The following ASTN2 variants were observed in gnomAD, a reference collection of about 807,000 sequenced individuals.
The protein encoded by ASTN2 is astrotactin-2.
A neutral mutation model predicts 139.8 loss-of-function variants in ASTN2; 54 were observed. The observed-to-expected ratio is 0.39, with a 90% CI of 0.31 to 0.48. The LOEUF (loss-of-function observed/expected upper bound fraction) is 0.48, where lower values mean the gene tolerates loss of function less well. ASTN2 is among the 20% of genes least tolerant of loss of function. ASTN2 has a pLI of 0.95. For missense variants in ASTN2, 1,565 were observed against 1,725.1 expected, an observed-to-expected ratio of 0.91 and a Z score of 1.64; for synonymous variants, 756 against 719.5, an observed-to-expected ratio of 1.05 and a Z score of -0.81.
At chr9:117,173,092 A>G (rs1830831433) in intron 3 of ASTN2, among the ~76,000 whole-genome samples, 1 of 152,202 alleles carries the variant, frequency 6.6e-6, no homozygotes, top group Non-Finnish European at 1.5e-5. Context: ...TACAGGAAAA[A>G]TACTAACTAG....
chr9:116,674,132 T>C (rs1859361150), intron 16 of ASTN2, among the ~76,000 whole-genome samples: 1 of 152,182 alleles, frequency 6.6e-6, no homozygotes, highest in Non-Finnish European at 1.5e-5. Context: ...TTAGGAGTCA[T>C]GCAGCTGGAG....
chr9:117,051,732 C>T (rs2132668800), intron 5 of ASTN2, among the ~76,000 whole-genome samples: 1 of 152,248 alleles, frequency 6.6e-6, no homozygotes, highest in East Asian at 1.9e-4. Context: ...GGAAGAACCC[C>T]TTTTGATTAG....
chr9:116,692,266 A>G (rs1182767638), intron 16 of ASTN2, among the ~76,000 whole-genome samples: 1 of 152,164 alleles, frequency 6.6e-6, no homozygotes, highest in Non-Finnish European at 1.5e-5. Context: ...AGGTAAAACA[A>G]TTTCTAGGAG....
chr9:116,816,980 T>C (rs1399414764), intron 12 of ASTN2, among the ~76,000 whole-genome samples: 1 of 151,730 alleles, frequency 6.6e-6, no homozygotes, highest in East Asian at 1.9e-4. Flanking sequence ...TCAGCCAATA[T>C]TTAAATAGTA....
At position 117,291,377 on chromosome 9, in the gene ASTN2, C is replaced by A. The variant is rs1330936382; in HGVS notation, c.579G>T (p.Glu193Asp). 1.8e-5 allele frequency: 29 copies of A among 1,614,088 alleles called. No homozygotes were observed. The highest frequency in any genetic ancestry group is 2.4e-5 in the Non-Finnish European group (28 of 1,180,032). ...LAQATAPTLQ[E>D]PSEIVEEQMH... ...TCTGCTCCTCAACAATCTCCGAGGG[C>A]TCCTGGAGAGTGGGGGCGGTGGCTT... Residue 193 changes from glutamate (E) to aspartate (D), a missense_variant, in exon 2 of 23, where the codon GAG (glutamate) becomes GAT (aspartate). By Grantham distance (45) the Glu-to-Asp change is conservative (BLOSUM62 2). Transcript: ENST00000313400.
chr9:116,666,914 G>C (rs958601702), intron 16 of ASTN2, among the ~76,000 whole-genome samples: 3 of 138,782 alleles, frequency 2.2e-5, no homozygotes, highest in African/African-American at 8.0e-5. Flanking sequence ...TAGACATTTT[G>C]ATCCATATTA....
At chr9:116,639,944 G>A (rs1588127396) in intron 17 of ASTN2, among the ~76,000 whole-genome samples, 1 of 152,100 alleles carries the variant, frequency 6.6e-6, no homozygotes, top group Non-Finnish European at 1.5e-5. Context: ...CTTTTTAAGT[G>A]TATTTATTGA....
intron 5 of ASTN2, among the ~76,000 whole-genome samples, chr9:117,091,825 A>G (rs563223079): frequency 6.6e-6 from 1 of 152,268 alleles, no homozygotes; most frequent in South Asian, 2.1e-4. Flanking sequence ...AAGAGGAGAA[A>G]CAACATGATC....
At chr9:116,442,602 G>T in intron 20 of ASTN2, 49 bp from the exon 21 acceptor site, 1 of 1,504,676 alleles carries the variant, frequency 6.6e-7, no homozygotes, top group Non-Finnish European at 9.3e-7. Context: ...TTCACAGAAG[G>T]CCCTGGGAGT....
intron 2 of ASTN2, among the ~76,000 whole-genome samples, chr9:117,269,571 T>C (rs1012472514): frequency 4.6e-5 from 7 of 152,160 alleles, no homozygotes; most frequent in Non-Finnish European, 1.0e-4. Context: ...CCTTATTTGT[T>C]TGCTTGAAGA....
At chr9:117,355,829 G>C (rs1829525003) in intron 1 of ASTN2, among the ~76,000 whole-genome samples, 1 of 152,164 alleles carries the variant, frequency 6.6e-6, no homozygotes, top group South Asian at 2.1e-4. Context: ...GCCATGCTGG[G>C]GGACATGGGA....
intron 16 of ASTN2, among the ~76,000 whole-genome samples, chr9:116,657,062 A>G (rs1256619248): frequency 2.0e-5 from 3 of 152,166 alleles, no homozygotes; most frequent in Non-Finnish European, 4.4e-5. Context: ...CTGAAATTGG[A>G]TCATTTCTTA....
rs183009945 is a variant in ASTN2, at chr9:117,294,518, T to C, written c.443-3005A>G. 1.0e-3 allele frequency among the ~76,000 whole-genome samples: 156 copies of C among 152,394 alleles called. 2 individuals are homozygous for C. Among genetic ancestry groups the C allele is most frequent in the Non-Finnish European group, 1.5e-4 (10 of 68,040 alleles). On this transcript the variant is annotated intron_variant, in intron 1 of 22. Transcript: ENST00000313400. ...ATTCATTTATTCATGCATTTGTTTA[T>C]TTATTCAACATACTTATCAAACACC...
intron 19 of ASTN2, among the ~76,000 whole-genome samples, chr9:116,542,245 G>A (rs944950138): frequency 1.1e-4 from 16 of 151,956 alleles, no homozygotes; most frequent in Non-Finnish European, 1.3e-4. Context: ...GATACATATT[G>A]CTAATTTGCC....
At chr9:117,218,549 A>C (rs1832408091) in intron 2 of ASTN2, among the ~76,000 whole-genome samples, 1 of 152,182 alleles carries the variant, frequency 6.6e-6, no homozygotes, top group Non-Finnish European at 1.5e-5. Context: ...CAGCTTAGGT[A>C]ACGTTGCAAG....
At chr9:117,174,966 C>T (rs1404457179) in intron 3 of ASTN2, among the ~76,000 whole-genome samples, 2 of 151,788 alleles carry the variant, frequency 1.3e-5, no homozygotes, top group East Asian at 1.9e-4. Flanking sequence ...GAATGGGAGG[C>T]CCAGTCTGGA....
chr9:117,006,557 A>G (rs1413624203), intron 7 of ASTN2, among the ~76,000 whole-genome samples: 1 of 152,152 alleles, frequency 6.6e-6, no homozygotes, highest in Non-Finnish European at 1.5e-5. Flanking sequence ...CCTAGATTAG[A>G]GTAATAGGGC....
chr9:116,806,680 T>A (rs889803731), intron 12 of ASTN2, among the ~76,000 whole-genome samples: 2 of 152,154 alleles, frequency 1.3e-5, no homozygotes, highest in Admixed American at 1.3e-4. Context: ...TATATGAACA[T>A]GAGTGAGTCA....
intron 3 of ASTN2, among the ~76,000 whole-genome samples, chr9:117,184,025 C>T (rs1295678021): frequency 1.3e-5 from 2 of 152,172 alleles, no homozygotes; most frequent in African/African-American, 2.4e-5. Flanking sequence ...GAACCCTCTC[C>T]TCCTGGAATA....
Sources: gnomAD v4.1 joint callset for allele counts (sites outside exome capture counted in the v4.1 genomes callset) on GRCh38, gnomAD v4.1.1 for gene constraint, MANE v1.5 for transcripts, NCBI Gene and HGNC (gene_info 2026-07-23, HGNC 2026-07-21) for gene names.